The following FAM107B variants were observed in gnomAD, a reference collection of about 807,000 sequenced individuals.
The protein encoded by FAM107B is protein FAM107B.
FAM107B carries 21 observed loss-of-function variants against 31.5 expected under a neutral mutation model. That is an observed-to-expected ratio of 0.67 (90% CI 0.47 to 0.96). The LOEUF is 0.96. FAM107B is among the 40% of genes least tolerant of loss of function. The probability of loss-of-function intolerance (pLI) is 0.00; values close to 1 mark genes in which losing one functional copy is unlikely to be tolerated. For missense variants in FAM107B, 452 were observed against 377.1 expected (o/e 1.20, Z -1.64); for synonymous variants, 157 against 141.5 (o/e 1.11, Z -0.78).
chr10:14,660,390 G>T (rs555577704), intron 2 of FAM107B, among the ~76,000 whole-genome samples: 12 of 152,260 alleles, frequency 7.9e-5, no homozygotes, highest in African/African-American at 2.9e-4. Context: ...TAGAAAGAAT[G>T]CAACTTATTT....
intron 2 of FAM107B, among the ~76,000 whole-genome samples, chr10:14,567,337 C>T (rs954819541): frequency 4.6e-5 from 7 of 152,046 alleles, no homozygotes; most frequent in Admixed American, 3.3e-4. Flanking sequence ...GAATGGCCTT[C>T]GCACGACTGT....
At chr10:14,721,760 G>A (rs1042283254) in intron 1 of FAM107B, among the ~76,000 whole-genome samples, 5 of 152,012 alleles carry the variant, frequency 3.3e-5, no homozygotes, top group Non-Finnish European at 5.9e-5. Flanking sequence ...TTGTCAGATG[G>A]GTAGATTGCA....
rs140995310 is a variant in FAM107B, at chr10:14,627,555, C to T, written c.469+40079G>A. ...TTGGAAGGCCAAAGTAGGAGGACCACTTGAGGCCAGGAGTTTGAGACCAGC... is the reference window on the plus strand; with the variant it reads ...TTGGAAGGCCAAAGTAGGAGGACCATTTGAGGCCAGGAGTTTGAGACCAGC... On this transcript the variant is annotated intron_variant, in intron 2 of 4. Coordinates refer to ENST00000181796, the MANE Select transcript of FAM107B (RefSeq NM_031453.4). Among the ~76,000 whole-genome samples, 925 of 152,342 alleles carry T rather than the reference C, an allele frequency of 6.1e-3. 4 individuals are homozygous for T. The highest frequency in any genetic ancestry group is 9.7e-3 in the Non-Finnish European group (659 of 68,038).
At chr10:14,602,832 C>A (rs1031062018) in intron 2 of FAM107B, 2 of 152,174 alleles carry the variant, frequency 1.3e-5, no homozygotes, top group Non-Finnish European at 2.9e-5. Context: ...CCCTTCTGTA[C>A]AGGTGGTTAT....
intron 2 of FAM107B, among the ~76,000 whole-genome samples, chr10:14,573,066 A>T (rs893424770): frequency 6.6e-6 from 1 of 151,914 alleles, no homozygotes; most frequent in East Asian, 1.9e-4. Flanking sequence ...GTACATTTCA[A>T]CTCCTGCACC....
intron 1 of FAM107B, among the ~76,000 whole-genome samples, chr10:14,683,238 G>A (rs557480927): frequency 6.6e-6 from 1 of 152,128 alleles, no homozygotes; most frequent in African/African-American, 2.4e-5. Context: ...AATCTACAGT[G>A]GAAAGAAAAG....
chr10:14,569,526 T>C (rs1564576278), intron 2 of FAM107B, among the ~76,000 whole-genome samples: 1 of 152,126 alleles, frequency 6.6e-6, no homozygotes, highest in Non-Finnish European at 1.5e-5. Context: ...TTTAGCATCA[T>C]TTAGAAAAAA....
At chr10:14,673,367 TA>T (rs1473037365) in intron 1 of FAM107B, among the ~76,000 whole-genome samples, 1 of 152,200 alleles carries the variant, frequency 6.6e-6, no homozygotes, top group Non-Finnish European at 1.5e-5. Context: ...AGCTCTCACA[TA>T]TGAGTCAGAA....
chr10:14,525,686 A>G (rs996921118), intron 3 of FAM107B, among the ~76,000 whole-genome samples: 42 of 152,268 alleles, frequency 2.8e-4, no homozygotes, highest in African/African-American at 9.4e-4. Flanking sequence ...ACAGACATCT[A>G]TTTGGTTTCC....
At chr10:14,657,896 G>A (rs1267785103) in intron 2 of FAM107B, among the ~76,000 whole-genome samples, 1 of 151,484 alleles carries the variant, frequency 6.6e-6, no homozygotes, top group Non-Finnish European at 1.5e-5. Flanking sequence ...CTGCAGCCTT[G>A]GCAGCCCAGA....
chr10:14,571,865 T>A (rs1851255045), intron 2 of FAM107B: 1 of 985,250 alleles, frequency 1.0e-6, no homozygotes, highest in Non-Finnish European at 1.2e-6. Context: ...GTCATCCCCA[T>A]CCATGTCACC....
At chr10:14,573,356 A>G (rs1162725941) in intron 2 of FAM107B, among the ~76,000 whole-genome samples, 1 of 152,104 alleles carries the variant, frequency 6.6e-6, no homozygotes, top group Admixed American at 6.5e-5. Flanking sequence ...ACCTTCCACC[A>G]TGGGATGATG....
chr10:14,528,399 C>A (rs1846567052), intron 3 of FAM107B, among the ~76,000 whole-genome samples: 1 of 152,054 alleles, frequency 6.6e-6, no homozygotes, highest in Non-Finnish European at 1.5e-5. Flanking sequence ...CCAGGCTGGT[C>A]TCAAACTCCT....
chr10:14,726,741 C>A (rs76108156), intron 1 of FAM107B, among the ~76,000 whole-genome samples: 16 of 152,220 alleles, frequency 1.1e-4, no homozygotes, highest in East Asian at 7.7e-4. Flanking sequence ...TGCCTTCCCC[C>A]CTAAAGAGTC....
At chr10:14,587,535 C>G (rs982609560) in intron 2 of FAM107B, among the ~76,000 whole-genome samples, 4 of 152,132 alleles carry the variant, frequency 2.6e-5, no homozygotes, top group African/African-American at 9.7e-5. Flanking sequence ...GTTTTTAAGA[C>G]TTTCCATTAG....
intron 1 of FAM107B, among the ~76,000 whole-genome samples, chr10:14,715,611 C>T (rs895640308): frequency 6.6e-6 from 1 of 152,182 alleles, no homozygotes; most frequent in African/African-American, 2.4e-5. Context: ...GAAGACCTGT[C>T]CTCCCCAGCA....
chr10:14,654,156 T>C (rs1209796544), intron 2 of FAM107B, among the ~76,000 whole-genome samples: 28 of 151,974 alleles, frequency 1.8e-4, no homozygotes. Flanking sequence ...TTTGGCTAGT[T>C]CTTACAATTT....
intron 1 of FAM107B, among the ~76,000 whole-genome samples, chr10:14,703,299 C>T (rs768816699): frequency 2.0e-5 from 3 of 151,448 alleles, no homozygotes; most frequent in Non-Finnish European, 3.0e-5. Flanking sequence ...CAAAGTCTTC[C>T]TAAGTTTGTT....
At chr10:14,696,920 G>A (rs1855279935) in intron 1 of FAM107B, among the ~76,000 whole-genome samples, 1 of 152,116 alleles carries the variant, frequency 6.6e-6, no homozygotes, top group Non-Finnish European at 1.5e-5. Flanking sequence ...AGTGTCAAAG[G>A]TCTGCTCCTC....
Sources: gnomAD v4.1 joint callset for allele counts (sites outside exome capture counted in the v4.1 genomes callset) on GRCh38, gnomAD v4.1.1 for gene constraint, MANE v1.5 for transcripts, NCBI Gene and HGNC (gene_info 2026-07-23, HGNC 2026-07-21) for gene names.